CFAP70: variants seen among roughly 807,000 people sequenced by gnomAD.
CFAP70 encodes cilia and flagella associated protein 70.
A neutral mutation model predicts 137.6 loss-of-function variants in CFAP70; 81 were observed. The ratio of observed to expected loss-of-function variants is 0.59; its 90% confidence interval spans 0.49 to 0.71. The LOEUF is 0.71. CFAP70 is among the 30% of genes least tolerant of loss of function. The probability of loss-of-function intolerance (pLI) is 0.00; values close to 1 mark genes in which losing one functional copy is unlikely to be tolerated. For synonymous variants in CFAP70, 382 were observed against 423.6 expected (o/e 0.90, Z 1.20); for missense variants, 976 against 1,226.7 (o/e 0.80, Z 3.05).
At chr10:73,321,867 T>C (rs1441264676) in intron 9 of CFAP70, among the ~76,000 whole-genome samples, 1 of 152,160 alleles carries the variant, frequency 6.6e-6, no homozygotes, top group Non-Finnish European at 1.5e-5. Context: ...CACTGTAACC[T>C]CCGCCTCCCA....
intron 12 of CFAP70, among the ~76,000 whole-genome samples, chr10:73,304,497 T>C (rs2049213467): frequency 6.6e-6 from 1 of 152,214 alleles, no homozygotes; most frequent in Non-Finnish European, 1.5e-5. Context: ...TTATTAATAA[T>C]TATGTGTAAA....
At chr10:73,345,000 A>C in intron 5 of CFAP70, 65 bp downstream of exon 6, 4 of 1,338,920 alleles carry the variant, frequency 3.0e-6, no homozygotes, top group Non-Finnish European at 4.2e-6. Context: ...AGAGGTGAGG[A>C]AGAGATGGCC....
In CFAP70 at chr10:73,332,401, T is replaced by C. The variant is rs557310687; in HGVS notation, c.678-1125A>G. ...CCACAGTGTTCTCCCTATCAAAGGG[T>C]TGATCTTTAAGGGAAACTACTTTAC... is the stretch of plus-strand genomic sequence containing the variant. On this transcript the variant is annotated intron_variant, in intron 7 of 26. Transcript: ENST00000310715. 2.0e-5 allele frequency among the ~76,000 whole-genome samples: 3 copies of C among 152,264 alleles called. No homozygotes were observed. The East Asian group carries it at 5.8e-4, about 29-fold the overall frequency.
chr10:73,287,876 T>TATCTATCC (rs2047862569), intron 19 of CFAP70, among the ~76,000 whole-genome samples: 1 of 151,828 alleles, frequency 6.6e-6, no homozygotes, highest in Non-Finnish European at 1.5e-5. Flanking sequence ...TCTATCTATC[T>TATCTATCC]ATCTATCTAT....
At chr10:73,272,819 G>T (rs1356073559) in intron 24 of CFAP70, 109 bp downstream of exon 25, 4 of 919,168 alleles carry the variant, frequency 4.4e-6, no homozygotes, top group African/African-American at 1.6e-5. Context: ...ACAGCAGACA[G>T]CCCTGATTGC....
intron 5 of CFAP70, 111 bp downstream of exon 6, chr10:73,344,954 C>A: frequency 1.4e-6 from 1 of 716,718 alleles, no homozygotes. Flanking sequence ...AAATAAATCT[C>A]AGCTATTAGC....
upstream of CFAP70, among the ~76,000 whole-genome samples, chr10:73,359,032 C>T (rs1339733826): frequency 6.6e-6 from 1 of 152,066 alleles, no homozygotes; most frequent in East Asian, 1.9e-4. Context: ...GGGAAAAAAG[C>T]AAAAGGAAGT....
At chr10:73,278,450 T>C (rs2046962635) in intron 19 of CFAP70, 113 bp from the exon 21 acceptor site, 2 of 812,248 alleles carry the variant, frequency 2.5e-6, no homozygotes, top group Non-Finnish European at 3.8e-6. Context: ...AAATATTTCA[T>C]GAAGGACAGA....
intron 22 of CFAP70, 21 bp from the exon 24 acceptor site, chr10:73,274,615 T>C (rs1328549939): frequency 9.3e-6 from 15 of 1,607,870 alleles, no homozygotes; most frequent in East Asian, 2.2e-5. Context: ...GAAAAGCAAG[T>C]AGTATATGGG....
Position 73,272,994 on chromosome 10 carries a change from A to T in CFAP70, c.2859T>A (p.Tyr953Ter). 6.4e-7 allele frequency: 1 copy of T among 1,551,904 alleles called. No individual in the cohort carries two copies. Among genetic ancestry groups the T allele is most frequent in the Non-Finnish European group, 8.7e-7 (1 of 1,147,466 alleles). Residue 953 changes from tyrosine to a stop codon, truncating the protein, a stop_gained, in exon 24 of 27, where the codon TAT becomes TAA. Transcript: ENST00000310715. LOFTEE classifies it high-confidence loss of function. ...AAGGTGATCTCTTACAGGCTTGCAT[A>T]TAGGTTTTCTTTGCCTTTTCATACT...
At chr10:73,337,300 G>A (rs977505393) in intron 6 of CFAP70, among the ~76,000 whole-genome samples, 2 of 151,808 alleles carry the variant, frequency 1.3e-5, no homozygotes, top group Non-Finnish European at 2.9e-5. Flanking sequence ...GGCCAATATG[G>A]TGAAGCCCTG....
At chr10:73,316,629 A>G (rs968258205) in intron 9 of CFAP70, among the ~76,000 whole-genome samples, 1 of 151,490 alleles carries the variant, frequency 6.6e-6, no homozygotes, top group African/African-American at 2.4e-5. Context: ...ATTACAATAT[A>G]CATCCTAACT....
intron 8 of CFAP70, among the ~76,000 whole-genome samples, chr10:73,326,127 A>G (rs184410807): frequency 2.0e-5 from 3 of 152,314 alleles, no homozygotes; most frequent in African/African-American, 7.2e-5. Context: ...CAGAAATTAT[A>G]ACAACCGTCT....
intron 12 of CFAP70, among the ~76,000 whole-genome samples, chr10:73,309,788 C>G (rs912237367): frequency 6.6e-6 from 1 of 151,894 alleles, no homozygotes; most frequent in Non-Finnish European, 1.5e-5. Flanking sequence ...TCCCGAGTAG[C>G]TGAGGTTACA....
chr10:73,274,295 T>C, intron 23 of CFAP70, 138 bp downstream of exon 24: 1 of 984,984 alleles, frequency 1.0e-6, no homozygotes. Flanking sequence ...TTGTCTGATG[T>C]TGGGCAAGTC....
chr10:73,272,930 G>A lies in CFAP70; in HGVS notation c.2923C>T (p.Arg975Trp), dbSNP rs775878004. Residue 975 changes from arginine to tryptophan, a missense_variant and splice_region_variant, in exon 24 of 27, where the codon CGG (arginine) becomes TGG (tryptophan). Transcript: ENST00000310715. ...GTCTCAAGCCTTCATCCTCTTACCC[G>A]ATAGCAGGCGATTCCCAGTCCTAGC... 13 of 1,551,828 alleles carry A rather than the reference G, an allele frequency of 8.4e-6. No homozygotes were observed. The Admixed American group carries it at 1.2e-4, about 14-fold the overall frequency.
chr10:73,255,352 G>A (rs761687923), intron 26 of CFAP70, among the ~76,000 whole-genome samples: 10 of 151,990 alleles, frequency 6.6e-5, no homozygotes, highest in Non-Finnish European at 1.3e-4. Flanking sequence ...TGGAGATTGC[G>A]CCACTGCACT....
intron 2 of CFAP70, among the ~76,000 whole-genome samples, chr10:73,354,019 CTGTT>C (rs151081235): frequency 0.07 from 10,521 of 150,984 alleles, 608 homozygotes; most frequent in East Asian, 0.3. Context: ...ATTTTTTTTT[CTGTT>C]TGTTTGTTTG....
intron 1 of CFAP70, among the ~76,000 whole-genome samples, chr10:73,358,469 A>C (rs1019335041): frequency 6.6e-6 from 1 of 152,218 alleles, no homozygotes; most frequent in Non-Finnish European, 1.5e-5. Context: ...CAGAATGAGG[A>C]GGCCTCCGAC....
Sources: allele counts gnomAD v4.1 joint callset (sites outside exome capture counted in the v4.1 genomes callset), GRCh38; gene constraint gnomAD v4.1.1; transcripts MANE v1.5; gene names NCBI Gene and HGNC (gene_info 2026-07-23, HGNC 2026-07-21).